The following SORCS2 variants were observed in gnomAD, a reference collection of about 807,000 sequenced individuals.
The protein encoded by SORCS2 is VPS10 domain-containing receptor SorCS2.
A neutral mutation model predicts 141.6 loss-of-function variants in SORCS2; 100 were observed. That is an observed-to-expected ratio of 0.71 (90% CI 0.60 to 0.83). The LOEUF (loss-of-function observed/expected upper bound fraction) is 0.83, where lower values mean the gene tolerates loss of function less well. Ranked by LOEUF, SORCS2 falls within the 40% of genes least tolerant of loss-of-function variation. The pLI is 0.00. For missense variants in SORCS2, 1,646 were observed against 1,560.2 expected, an observed-to-expected ratio of 1.05 and a Z score of -0.93; for synonymous variants, 789 against 676.9, an observed-to-expected ratio of 1.17 and a Z score of -2.57.
intron 1 of SORCS2, among the ~76,000 whole-genome samples, chr4:7,279,598 C>T (rs1020590505): frequency 2.0e-5 from 3 of 152,168 alleles, no homozygotes; most frequent in Non-Finnish European, 2.9e-5. Context: ...AGTTCAAGGG[C>T]GATCTTCCCT....
At chr4:7,439,618 T>C (rs1376911315) in intron 2 of SORCS2, among the ~76,000 whole-genome samples, 1 of 152,192 alleles carries the variant, frequency 6.6e-6, no homozygotes, top group East Asian at 1.9e-4. Context: ...TTTTGCCTGT[T>C]CTTGAACCTC....
At chr4:7,587,873 T>C (rs560474734) in intron 3 of SORCS2, among the ~76,000 whole-genome samples, 13 of 152,340 alleles carry the variant, frequency 8.5e-5, no homozygotes, top group South Asian at 2.1e-4. Context: ...GAATTTGTTT[T>C]TAGAGTCCAT....
intron 4 of SORCS2, among the ~76,000 whole-genome samples, chr4:7,643,755 G>A (rs1720882172): frequency 6.6e-6 from 1 of 152,210 alleles, no homozygotes; most frequent in East Asian, 1.9e-4. Context: ...AGAAATTGCT[G>A]GCAGTGGGTG....
At chr4:7,370,860 A>T (rs73796657) in intron 1 of SORCS2, among the ~76,000 whole-genome samples, 10,795 of 151,874 alleles carry the variant, frequency 0.071, 487 homozygotes, top group East Asian at 0.17. Context: ...TTGCTCTCTT[A>T]TCCCCAGCTG....
chr4:7,460,895 G>A (rs73093611), intron 2 of SORCS2, among the ~76,000 whole-genome samples: 141 of 152,220 alleles, frequency 9.3e-4, no homozygotes, highest in Middle Eastern at 3.4e-3. Flanking sequence ...GGCCAAGCTC[G>A]CAGCTTGAAT....
chr4:7,288,325 ACTT>A (rs1228194056), intron 1 of SORCS2, among the ~76,000 whole-genome samples: 1 of 151,812 alleles, frequency 6.6e-6, no homozygotes, highest in Non-Finnish European at 1.5e-5. Context: ...TCCACGGTGA[ACTT>A]CTTTTGTTTT....
chr4:7,290,761 A>C (rs1716545561), intron 1 of SORCS2, among the ~76,000 whole-genome samples: 1 of 152,000 alleles, frequency 6.6e-6, no homozygotes, highest in South Asian at 2.1e-4. Context: ...CTCTCAGTTG[A>C]TTTGTTGACT....
At chr4:7,515,205 G>C (rs951693772) in intron 2 of SORCS2, among the ~76,000 whole-genome samples, 5 of 152,228 alleles carry the variant, frequency 3.3e-5, no homozygotes, top group African/African-American at 9.6e-5. Flanking sequence ...GGACGCCTGA[G>C]GTCCAGTGAG....
At chr4:7,520,813 C>A (rs1341728480) in intron 2 of SORCS2, among the ~76,000 whole-genome samples, 1 of 152,232 alleles carries the variant, frequency 6.6e-6, no homozygotes, top group Non-Finnish European at 1.5e-5. Flanking sequence ...GGGTAACGCA[C>A]AGGTGAAATG....
intron 3 of SORCS2, among the ~76,000 whole-genome samples, chr4:7,630,070 G>A (rs112236013): frequency 1.6e-4 from 25 of 152,248 alleles, no homozygotes; most frequent in African/African-American, 4.6e-4. Context: ...AGCAGCCACC[G>A]GCATGTCCCC....
At chr4:7,551,202 C>T (rs538654414) in intron 3 of SORCS2, among the ~76,000 whole-genome samples, 134 of 152,204 alleles carry the variant, frequency 8.8e-4, no homozygotes, top group Admixed American at 3.6e-3. Context: ...TGGTCAAGAT[C>T]TCTCAGCGGA....
At chr4:7,380,115 C>T (rs938202380) in intron 1 of SORCS2, among the ~76,000 whole-genome samples, 15 of 152,136 alleles carry the variant, frequency 9.9e-5, no homozygotes, top group African/African-American at 3.1e-4. Context: ...TCAGAAAGCC[C>T]GGAGATGGGT....
Position 7,740,791 on chromosome 4 carries a change from CT to C in SORCS2, c.*528del, listed in dbSNP as rs1008236451. The C allele has an allele frequency of 5.6e-6, 2 of 359,524 alleles. No homozygotes were observed. The highest frequency in any genetic ancestry group is 9.9e-6 in the Non-Finnish European group (2 of 201,774). The allele number at this position is 359,524 out of a possible 1,614,324, so 22.3% of individuals were successfully genotyped here. ...ACACCACACCACCCTCCAGGCCCCC[CT>C]GCCCTCCGGCTGGAAACTGCAGCTC... On this transcript the variant is annotated 3_prime_UTR_variant, in exon 27 of 27. Coordinates refer to ENST00000507866, the MANE Select transcript of SORCS2 (RefSeq NM_020777.3).
At chr4:7,699,414 G>A (rs1198419044) in intron 12 of SORCS2, among the ~76,000 whole-genome samples, 2 of 152,172 alleles carry the variant, frequency 1.3e-5, no homozygotes, top group South Asian at 2.1e-4. Flanking sequence ...CACGCTTGGA[G>A]AGGAGGGTGG....
intron 2 of SORCS2, among the ~76,000 whole-genome samples, chr4:7,416,071 G>A (rs1039270174): frequency 8.5e-5 from 13 of 152,200 alleles, no homozygotes; most frequent in African/African-American, 3.1e-4. Context: ...GGTGGGAGGA[G>A]GATGGCAGGG....
At chr4:7,722,278 C>G (rs746380606) in intron 18 of SORCS2, among the ~76,000 whole-genome samples, 2 of 152,146 alleles carry the variant, frequency 1.3e-5, no homozygotes, top group Non-Finnish European at 2.9e-5. Context: ...GAGCGCTTCC[C>G]CTCATTCCCC....
At chr4:7,568,296 G>A (rs186550989) in intron 3 of SORCS2, among the ~76,000 whole-genome samples, 1 of 152,176 alleles carries the variant, frequency 6.6e-6, no homozygotes, top group Non-Finnish European at 1.5e-5. Context: ...AAGCAATTAG[G>A]TTCAAACAAG....
chr4:7,583,108 G>A (rs1716270120), intron 3 of SORCS2, among the ~76,000 whole-genome samples: 1 of 152,210 alleles, frequency 6.6e-6, no homozygotes, highest in South Asian at 2.1e-4. Flanking sequence ...GCCCTGCCCA[G>A]GTCAGCCTGG....
chr4:7,273,535 A>G (rs1715277087), intron 1 of SORCS2, among the ~76,000 whole-genome samples: 1 of 152,174 alleles, frequency 6.6e-6, no homozygotes, highest in Non-Finnish European at 1.5e-5. Context: ...CCCAGTAATC[A>G]GCCCTCAGCA....
Sources: allele counts gnomAD v4.1 joint callset (sites outside exome capture counted in the v4.1 genomes callset), GRCh38; gene constraint gnomAD v4.1.1; transcripts MANE v1.5; gene names NCBI Gene and HGNC (gene_info 2026-07-23, HGNC 2026-07-21).